The following MCTP1 variants were observed in gnomAD, a reference collection of about 807,000 sequenced individuals.
MCTP1 encodes multiple C2 and transmembrane domain-containing protein 1.
A neutral mutation model predicts 120.6 loss-of-function variants in MCTP1; 69 were observed. The observed-to-expected ratio is 0.57, with a 90% CI of 0.47 to 0.70. The LOEUF (loss-of-function observed/expected upper bound fraction) is 0.70. Ranked by LOEUF, MCTP1 falls within the 30% of genes least tolerant of loss-of-function variation. MCTP1 has a pLI of 0.00. For missense variants in MCTP1, 1,203 were observed against 1,248.8 expected, an observed-to-expected ratio of 0.96 and a Z score of 0.55; for synonymous variants, 529 against 493.1, an observed-to-expected ratio of 1.07 and a Z score of -0.96.
intron 1 of MCTP1, among the ~76,000 whole-genome samples, chr5:95,215,605 C>T (rs1222964251): frequency 6.6e-6 from 1 of 151,804 alleles, no homozygotes; most frequent in Non-Finnish European, 1.5e-5. Context: ...CTATTTTTTG[C>T]TTTTTTAGCC....
At chr5:95,182,508 C>T (rs1169284791) in intron 1 of MCTP1, among the ~76,000 whole-genome samples, 8 of 151,896 alleles carry the variant, frequency 5.3e-5, no homozygotes, top group African/African-American at 1.9e-4. Flanking sequence ...ACTATTTTTT[C>T]ATTTTCTTAT....
chr5:94,819,939 C>G (rs1183869665), intron 17 of MCTP1, among the ~76,000 whole-genome samples: 1 of 152,180 alleles, frequency 6.6e-6, no homozygotes, highest in Non-Finnish European at 1.5e-5. Context: ...CCTATAGAAC[C>G]TGTCCTTCTG....
In MCTP1 at chr5:94,932,066, G is replaced by C; in HGVS notation, c.1174-75C>G. ...TAGGGCAGCCAGTTGTTTTTTAGCG[G>C]AAACATTTATTAGCCCTTGAAACAG... On this transcript the variant is annotated intron_variant, in intron 5 of 22. Coordinates refer to ENST00000515393, the MANE Select transcript of MCTP1 (RefSeq NM_024717.7). 3 of 1,042,944 alleles carry C rather than the reference G, an allele frequency of 2.9e-6. 1 individual carries two copies. The Middle Eastern group carries it at 6.3e-4, about 220-fold the overall frequency. The allele number at this position is 1,042,944 out of a possible 1,614,324, so 64.6% of individuals were successfully genotyped here.
At chr5:94,939,770 C>A (rs1283298193) in intron 5 of MCTP1, among the ~76,000 whole-genome samples, 2 of 151,922 alleles carry the variant, frequency 1.3e-5, no homozygotes, top group Non-Finnish European at 2.9e-5. Flanking sequence ...GTATTCAATT[C>A]ACTAATAAAT....
intron 1 of MCTP1, among the ~76,000 whole-genome samples, chr5:95,122,317 T>A (rs1356387303): frequency 1.3e-5 from 2 of 152,078 alleles, no homozygotes; most frequent in African/African-American, 4.8e-5. Flanking sequence ...AATCTTATGA[T>A]CTGAATTGAA....
intron 2 of MCTP1, among the ~76,000 whole-genome samples, chr5:95,005,883 C>T (rs1363309232): frequency 6.6e-6 from 1 of 151,896 alleles, no homozygotes; most frequent in Admixed American, 6.6e-5. Context: ...ATTATTTGCC[C>T]AATTATTCCA....
chr5:94,834,494 T>A (rs1431636962), intron 17 of MCTP1, among the ~76,000 whole-genome samples: 1 of 152,182 alleles, frequency 6.6e-6, no homozygotes, highest in African/African-American at 2.4e-5. Context: ...GTAAACCTTA[T>A]CTATGAGGTT....
intron 2 of MCTP1, among the ~76,000 whole-genome samples, chr5:94,954,319 T>A (rs1485870787): frequency 6.6e-6 from 1 of 150,808 alleles, no homozygotes; most frequent in African/African-American, 2.4e-5. Flanking sequence ...AGTAAAAAAC[T>A]ACATGTTCTC....
intron 18 of MCTP1, among the ~76,000 whole-genome samples, chr5:94,782,614 C>T (rs1016128586): frequency 1.3e-5 from 2 of 152,116 alleles, no homozygotes; most frequent in African/African-American, 4.8e-5. Flanking sequence ...AATACCACCG[C>T]TATTTAGGAT....
chr5:95,145,145 A>AT (rs1760275361), intron 1 of MCTP1, among the ~76,000 whole-genome samples: 1 of 151,820 alleles, frequency 6.6e-6, no homozygotes, highest in South Asian at 2.1e-4. Flanking sequence ...AGATACTTCA[A>AT]TTTTTTGCAG....
chr5:94,953,892 CAA>C, intron 2 of MCTP1, among the ~76,000 whole-genome samples: 1 of 89,718 alleles, frequency 1.1e-5, no homozygotes, highest in Admixed American at 1.3e-4. Flanking sequence ...CATATATATA[CAA>C]ATATATATAT....
chr5:94,848,482 A>G (rs1264823123), intron 17 of MCTP1, among the ~76,000 whole-genome samples: 4 of 151,970 alleles, frequency 2.6e-5, no homozygotes, highest in Non-Finnish European at 5.9e-5. Context: ...CTACTGATCC[A>G]TGGAATCAAA....
At chr5:95,023,296 G>A (rs778582778) in intron 1 of MCTP1, among the ~76,000 whole-genome samples, 4 of 152,186 alleles carry the variant, frequency 2.6e-5, no homozygotes, top group Non-Finnish European at 4.4e-5. Context: ...AGGGATGAGA[G>A]TAGAGAAATC....
At chr5:94,719,735 C>T (rs1029735354) in intron 19 of MCTP1, among the ~76,000 whole-genome samples, 2 of 152,132 alleles carry the variant, frequency 1.3e-5, no homozygotes, top group African/African-American at 4.8e-5. Context: ...GGCTTAATAC[C>T]TAGGTGATGG....
chr5:94,763,758 C>A (rs956721032), intron 19 of MCTP1, among the ~76,000 whole-genome samples: 1 of 152,096 alleles, frequency 6.6e-6, no homozygotes, highest in Non-Finnish European at 1.5e-5. Context: ...ACAGTTCAAC[C>A]TTTATCTGAG....
chr5:94,752,202 C>A (rs1418768825), intron 19 of MCTP1, among the ~76,000 whole-genome samples: 1 of 141,424 alleles, frequency 7.1e-6, no homozygotes, highest in Middle Eastern at 4.0e-3. Flanking sequence ...ACAGTGTCTG[C>A]GTGTTTGGCA....
intron 19 of MCTP1, among the ~76,000 whole-genome samples, chr5:94,718,578 C>A (rs1291589968): frequency 6.6e-6 from 1 of 152,108 alleles, no homozygotes; most frequent in African/African-American, 2.4e-5. Flanking sequence ...AGTGAACAGA[C>A]AACCCACAGA....
intron 17 of MCTP1, among the ~76,000 whole-genome samples, chr5:94,820,768 A>G (rs1281896500): frequency 6.6e-6 from 1 of 152,212 alleles, no homozygotes; most frequent in East Asian, 1.9e-4. Context: ...AATTGTATTT[A>G]TGGAAGGTTG....
intron 17 of MCTP1, among the ~76,000 whole-genome samples, chr5:94,830,996 T>C (rs1456932547): frequency 6.6e-6 from 1 of 152,128 alleles, no homozygotes; most frequent in East Asian, 1.9e-4. Context: ...TGGTAAAACA[T>C]TAACAAATTA....
Sources: allele counts gnomAD v4.1 joint callset (sites outside exome capture counted in the v4.1 genomes callset), GRCh38; gene constraint gnomAD v4.1.1; transcripts MANE v1.5; gene names NCBI Gene and HGNC (gene_info 2026-07-23, HGNC 2026-07-21).